The following EXOC2 variants were observed in gnomAD, a reference collection of about 807,000 sequenced individuals.
EXOC2 encodes the protein SEC5-like 1.
A neutral mutation model predicts 131.8 loss-of-function variants in EXOC2; 70 were observed. The observed-to-expected ratio is 0.53, with a 90% CI of 0.44 to 0.65. The LOEUF (loss-of-function observed/expected upper bound fraction) is 0.65. EXOC2 is among the 30% of genes least tolerant of loss of function. The pLI is 0.00. For missense variants in EXOC2, 923 were observed against 1,108.6 expected, an observed-to-expected ratio of 0.83 and a Z score of 2.38; for synonymous variants, 411 against 398.4, an observed-to-expected ratio of 1.03 and a Z score of -0.38.
At chr6:528,530 A>G (rs1445052553) in intron 23 of EXOC2, among the ~76,000 whole-genome samples, 1 of 152,254 alleles carries the variant, frequency 6.6e-6, no homozygotes, top group East Asian at 1.9e-4. Context: ...AATAGAGTTT[A>G]TAAAAGTGAA....
intron 13 of EXOC2, among the ~76,000 whole-genome samples, chr6:569,502 G>T (rs1333121382): frequency 6.6e-6 from 1 of 152,160 alleles, no homozygotes; most frequent in Non-Finnish European, 1.5e-5. Flanking sequence ...AATAAATTGT[G>T]TTTAAAAACT....
At chr6:489,721 C>A (rs1427538787) in intron 26 of EXOC2, among the ~76,000 whole-genome samples, 1 of 152,200 alleles carries the variant, frequency 6.6e-6, no homozygotes, top group Non-Finnish European at 1.5e-5. Flanking sequence ...AGGAACAGTT[C>A]TTTTATCTCT....
At chr6:508,095 C>A (rs912036273) in intron 23 of EXOC2, among the ~76,000 whole-genome samples, 2 of 152,148 alleles carry the variant, frequency 1.3e-5, no homozygotes, top group African/African-American at 4.8e-5. Context: ...TTGAAACTTG[C>A]TAAATTTCAT....
At chr6:612,834 G>A (rs998116877) in intron 6 of EXOC2, among the ~76,000 whole-genome samples, 5 of 152,156 alleles carry the variant, frequency 3.3e-5, no homozygotes, top group East Asian at 3.9e-4. Context: ...GTACCATAAC[G>A]AATATTCACT....
At chr6:510,533 A>G (rs1441703718) in intron 23 of EXOC2, among the ~76,000 whole-genome samples, 1 of 152,224 alleles carries the variant, frequency 6.6e-6, no homozygotes, top group Non-Finnish European at 1.5e-5. Flanking sequence ...CATCTGTAAG[A>G]AAGACTTTAT....
intron 10 of EXOC2, among the ~76,000 whole-genome samples, 154 bp from the exon 11 acceptor site, chr6:592,741 C>G (rs2294661): frequency 0.094 from 14,246 of 152,146 alleles, 1,118 homozygotes; most frequent in South Asian, 0.2. Flanking sequence ...ATTCAAATTT[C>G]TTGGCTAGGT....
chr6:567,415 TTC>T (rs1758025480), intron 13 of EXOC2, among the ~76,000 whole-genome samples: 2 of 152,244 alleles, frequency 1.3e-5, no homozygotes, highest in African/African-American at 4.8e-5. Flanking sequence ...ATTGCTGATA[TTC>T]TGTCTTACAA....
At chr6:663,393 C>T (rs1464240796) in intron 1 of EXOC2, among the ~76,000 whole-genome samples, 2 of 152,082 alleles carry the variant, frequency 1.3e-5, no homozygotes, top group African/African-American at 4.8e-5. Context: ...ATCCTTTTGA[C>T]ACTATTCCAC....
chr6:522,549 C>T (rs1448387626), intron 23 of EXOC2, among the ~76,000 whole-genome samples: 1 of 151,432 alleles, frequency 6.6e-6, no homozygotes, highest in Non-Finnish European at 1.5e-5. Flanking sequence ...TGTCTCCAGG[C>T]CTCAGCCAGG....
At chr6:518,458 T>C (rs1421797215) in intron 23 of EXOC2, among the ~76,000 whole-genome samples, 1 of 152,270 alleles carries the variant, frequency 6.6e-6, no homozygotes, top group African/African-American at 2.4e-5. Flanking sequence ...CCAAACAGCA[T>C]AGTTTATAGC....
intron 1 of EXOC2, chr6:656,770 G>A (rs867882133): frequency 3.1e-6 from 5 of 1,592,518 alleles, no homozygotes; most frequent in Admixed American, 1.7e-5. Flanking sequence ...GCCCCCTGCC[G>A]CACCTCGCAC....
chr6:605,210 C>G (rs12528668), intron 7 of EXOC2, among the ~76,000 whole-genome samples: 23,411 of 152,168 alleles, frequency 0.15, 2,146 homozygotes, highest in South Asian at 0.3. Context: ...GCACAGTGTG[C>G]AGGGCTATGA....
chr6:577,772 C>T (rs1581477831), intron 11 of EXOC2, among the ~76,000 whole-genome samples: 1 of 152,180 alleles, frequency 6.6e-6, no homozygotes, highest in Admixed American at 6.5e-5. Context: ...ATACACCTTA[C>T]ATTTTGCTGC....
intron 23 of EXOC2, among the ~76,000 whole-genome samples, chr6:530,578 C>T (rs1766018077): frequency 6.6e-6 from 1 of 152,168 alleles, no homozygotes; most frequent in South Asian, 2.1e-4. Context: ...GGACACAGGG[C>T]CCGGAAGGGC....
intron 1 of EXOC2, among the ~76,000 whole-genome samples, chr6:674,147 C>A (rs907003104): frequency 5.3e-5 from 8 of 152,140 alleles, no homozygotes. Flanking sequence ...CCAACTTGAT[C>A]ATAATTCTCA....
In EXOC2 at chr6:549,156, T is replaced by C. The variant is rs1486438103; in HGVS notation, c.2238+19A>G. ...CTGGTAAAACCACCGACTTGTGCGTTTTACATGAACTCGCTTACCTGTGTG... is the reference window on the plus strand; with the variant it reads ...CTGGTAAAACCACCGACTTGTGCGTCTTACATGAACTCGCTTACCTGTGTG... On this transcript the variant is annotated intron_variant, in intron 22 of 27. Coordinates refer to ENST00000230449, the MANE Select transcript of EXOC2 (RefSeq NM_018303.6). 1 of 1,600,632 alleles carries C rather than the reference T, an allele frequency of 6.2e-7. No individual in the cohort carries two copies. Among genetic ancestry groups the C allele is most frequent in the Admixed American group, 1.7e-5 (1 of 59,992 alleles).
In EXOC2 at chr6:529,090, C is replaced by T. The variant is rs1421523812; in HGVS notation, c.2380+3379G>A. On this transcript the variant is annotated intron_variant, in intron 23 of 27. Coordinates refer to ENST00000230449, the MANE Select transcript of EXOC2 (RefSeq NM_018303.6). Reference sequence around the variant, plus strand: ...GGATGCAGAAGAACCCTAAGATCCCCGTTAGCCCGGCATCGCCTGCCTTTT... The same window carrying T: ...GGATGCAGAAGAACCCTAAGATCCCTGTTAGCCCGGCATCGCCTGCCTTTT... 5.9e-5 allele frequency among the ~76,000 whole-genome samples: 6 copies of T among 101,878 alleles called. No individual in the cohort carries two copies. The East Asian group carries it at 1.7e-3, about 28-fold the overall frequency. The allele number at this position is 101,878 out of a possible 152,430, so 66.8% of individuals were successfully genotyped here. A position where few individuals can be genotyped will look rare whatever the true frequency, so the allele number is the denominator to read the frequency against.
intron 23 of EXOC2, among the ~76,000 whole-genome samples, chr6:504,626 C>T (rs922960789): frequency 6.6e-6 from 1 of 152,164 alleles, no homozygotes. Context: ...TCCTGGCTAA[C>T]CCTACACCAA....
intron 23 of EXOC2, among the ~76,000 whole-genome samples, chr6:529,452 G>A (rs1230470674): frequency 5.3e-5 from 8 of 152,152 alleles, no homozygotes; most frequent in Non-Finnish European, 1.0e-4. Flanking sequence ...CCTCTTTCTC[G>A]GTAACAATCG....
Sources: gnomAD v4.1 joint callset for allele counts (sites outside exome capture counted in the v4.1 genomes callset) on GRCh38, gnomAD v4.1.1 for gene constraint, MANE v1.5 for transcripts, NCBI Gene and HGNC (gene_info 2026-07-23, HGNC 2026-07-21) for gene names.